The following POU2F1 variants were observed in gnomAD, a reference collection of about 807,000 sequenced individuals.
The protein encoded by POU2F1 is POU class 2 homeobox 1, also known as POU domain, class 2, transcription factor 1.
A neutral mutation model predicts 84.9 loss-of-function variants in POU2F1; 16 were observed. The observed-to-expected ratio is 0.19, with a 90% CI of 0.13 to 0.29. The LOEUF (loss-of-function observed/expected upper bound fraction) is 0.29. Among genes scored for constraint, POU2F1 ranks in the 10% least tolerant of loss-of-function variants. The pLI is 1.00. For synonymous variants in POU2F1, 368 were observed against 368.3 expected, an observed-to-expected ratio of 1.00 and a Z score of 0.01; for missense variants, 738 against 942.6, an observed-to-expected ratio of 0.78 and a Z score of 2.84.
chr1:167,397,525 A>G (rs886833039), intron 10 of POU2F1, among the ~76,000 whole-genome samples: 1 of 152,120 alleles, frequency 6.6e-6, no homozygotes, highest in Non-Finnish European at 1.5e-5. Flanking sequence ...CCATGGTAGT[A>G]AATATATATA....
chr1:167,283,307 G>GA lies in POU2F1; in HGVS notation c.62-49153dup, dbSNP rs140555612. Among the ~76,000 whole-genome samples, 421 of 146,906 alleles carry GA rather than the reference G, an allele frequency of 2.9e-3. 1 individual carries two copies. Among genetic ancestry groups the GA allele is most frequent in the African/African-American group, 9.7e-3 (392 of 40,240 alleles). On this transcript the variant is annotated intron_variant, in intron 1 of 15. Coordinates refer to ENST00000367866, the MANE Select transcript of POU2F1 (RefSeq NM_002697.4). ...AAAAGCCATTACCAACAAAAAGGAGGAAAAAAAAAAGAGGAAGAAGAGTAT... is the reference window on the plus strand; with the variant it reads ...AAAAGCCATTACCAACAAAAAGGAGGAAAAAAAAAAAGAGGAAGAAGAGTAT...
chr1:167,420,447 C>T lies in POU2F1; in HGVS notation c.*4637C>T. The T allele has an allele frequency of 6.6e-6, 1 of 152,436 alleles. No homozygotes were observed. Among genetic ancestry groups the T allele is most frequent in the Non-Finnish European group, 1.5e-5 (1 of 68,166 alleles). The allele number at this position is 152,436 out of a possible 1,614,324, so 9.4% of individuals were successfully genotyped here. On this transcript the variant is annotated 3_prime_UTR_variant, in exon 16 of 16. Coordinates refer to ENST00000367866, the MANE Select transcript of POU2F1 (RefSeq NM_002697.4). ...AAAGTGCTGGGATTACAGGTATGAG[C>T]CACTGTGCCCATCCTCATGTCAATT...
At chr1:167,221,405 GCGGGCGGGCGGCCGGGGC>G (rs1648149057) in intron 1 of POU2F1, among the ~76,000 whole-genome samples, 1 of 149,672 alleles carries the variant, frequency 6.7e-6, no homozygotes, top group Non-Finnish European at 1.5e-5. Context: ...GCAGTAGGGC[GCGGGCGGGCGGCCGGGGC>G]CGGGCGGGCG....
At chr1:167,381,672 G>A (rs886129828) in intron 7 of POU2F1, among the ~76,000 whole-genome samples, 1 of 133,986 alleles carries the variant, frequency 7.5e-6, no homozygotes, top group East Asian at 2.3e-4. Context: ...GTACAGTGGC[G>A]CAGTCTTGTC....
At chr1:167,351,519 C>CAAAAAAAAAAAAAAAAAAAAAAAAAAAAA (rs34170498) in intron 2 of POU2F1, among the ~76,000 whole-genome samples, 2 of 45,994 alleles carry the variant, frequency 4.3e-5, no homozygotes, top group African/African-American at 7.2e-5. Flanking sequence ...AGCACCATCT[C>CAAAAAAAAAAAAAAAAAAAAAAAAAAAAA]AAAAAAAAAA....
Position 167,389,769 on chromosome 1 carries a change from G to A in POU2F1, c.987+8G>A, listed in dbSNP as rs767937892. 1.8e-5 allele frequency: 29 copies of A among 1,611,024 alleles called. No individual in the cohort carries two copies. In the South Asian group the frequency reaches 2.9e-4, roughly 16 times the overall value. ...AAACTTGGATTCACTCAGGTAGGGT[G>A]AATTGGCCTTACATTGATTCCCCTC... On this transcript the variant is annotated splice_region_variant and intron_variant, in intron 9 of 15. Coordinates refer to ENST00000367866, the MANE Select transcript of POU2F1 (RefSeq NM_002697.4).
chr1:167,307,882 CTT>C (rs1440787502), intron 1 of POU2F1, among the ~76,000 whole-genome samples: 4 of 152,008 alleles, frequency 2.6e-5, no homozygotes, highest in African/African-American at 9.7e-5. Context: ...TTCCATAAGT[CTT>C]TTTGATTTCT....
intron 1 of POU2F1, among the ~76,000 whole-genome samples, chr1:167,312,085 C>T (rs1655523080): frequency 6.6e-6 from 1 of 152,072 alleles, no homozygotes. Flanking sequence ...CAGGCATGCG[C>T]CACCACGCTC....
chr1:167,294,055 G>A (rs199557970), intron 1 of POU2F1, among the ~76,000 whole-genome samples: 1 of 151,548 alleles, frequency 6.6e-6, no homozygotes, highest in East Asian at 1.9e-4. Context: ...AAGAATTCAT[G>A]ACTATGGTGG....
chr1:167,342,806 C>T (rs753737137), intron 2 of POU2F1, among the ~76,000 whole-genome samples: 2 of 152,142 alleles, frequency 1.3e-5, no homozygotes, highest in Non-Finnish European at 2.9e-5. Flanking sequence ...AAATTTATTA[C>T]ATATTTTATT....
intron 9 of POU2F1, among the ~76,000 whole-genome samples, chr1:167,391,326 T>G (rs1648382530): frequency 6.6e-6 from 1 of 151,994 alleles, no homozygotes; most frequent in Admixed American, 6.6e-5. Flanking sequence ...AAAAAAAAAC[T>G]GAAGTATGGA....
intron 1 of POU2F1, among the ~76,000 whole-genome samples, chr1:167,315,788 AGAGATACCC>A (rs1655847892): frequency 6.6e-6 from 1 of 150,944 alleles, no homozygotes. Flanking sequence ...TGGGCAACAG[AGAGATACCC>A]CATCTCTTTA....
intron 1 of POU2F1, among the ~76,000 whole-genome samples, chr1:167,241,198 C>G (rs377030967): frequency 5.5e-4 from 84 of 152,140 alleles, no homozygotes; most frequent in African/African-American, 2.0e-3. Flanking sequence ...CAGGAGATAA[C>G]TCTCCTCTCC....
At chr1:167,347,542 C>T (rs377601374) in intron 2 of POU2F1, among the ~76,000 whole-genome samples, 10 of 152,066 alleles carry the variant, frequency 6.6e-5, no homozygotes, top group East Asian at 5.8e-4. Flanking sequence ...AGGTGAAATG[C>T]GTAACATAAA....
At chr1:167,371,262 G>A (rs775221724) in intron 4 of POU2F1, among the ~76,000 whole-genome samples, 1 of 152,130 alleles carries the variant, frequency 6.6e-6, no homozygotes, top group Non-Finnish European at 1.5e-5. Context: ...CTCAATGACT[G>A]GCAGAATTAA....
chr1:167,358,737 T>TTTTTTTTTG (rs71097670), intron 2 of POU2F1, among the ~76,000 whole-genome samples: 7,732 of 88,192 alleles, frequency 0.088, 1,872 homozygotes, highest in Non-Finnish European at 0.11. Context: ...TTTTTTTTTT[T>TTTTTTTTTG]GAGACAGGTT....
intron 1 of POU2F1, among the ~76,000 whole-genome samples, chr1:167,301,181 C>T (rs980250207): frequency 6.6e-6 from 1 of 151,868 alleles, no homozygotes; most frequent in Non-Finnish European, 1.5e-5. Context: ...TATTGGTTCT[C>T]TCTCTCTCTC....
intron 1 of POU2F1, among the ~76,000 whole-genome samples, chr1:167,273,169 G>C (rs1466408195): frequency 6.6e-6 from 1 of 152,216 alleles, no homozygotes; most frequent in Non-Finnish European, 1.5e-5. Context: ...ACTGATGCAA[G>C]GGGTGGTCTC....
intron 13 of POU2F1, among the ~76,000 whole-genome samples, chr1:167,404,077 T>A (rs536609606): frequency 6.6e-6 from 1 of 152,272 alleles, no homozygotes; most frequent in East Asian, 1.9e-4. Flanking sequence ...AAAATTTCAC[T>A]ACAAGGTTTC....
Sources: gnomAD v4.1 joint callset for allele counts (sites outside exome capture counted in the v4.1 genomes callset) on GRCh38, gnomAD v4.1.1 for gene constraint, MANE v1.5 for transcripts, NCBI Gene and HGNC (gene_info 2026-07-23, HGNC 2026-07-21) for gene names.